Variants in TAFA1 observed in about 807,000 individuals in gnomAD.
TAFA1 encodes chemokine-like protein TAFA-1.
Under a neutral mutation model 18.5 loss-of-function variants are expected in TAFA1, and 4 were observed. The ratio of observed to expected loss-of-function variants is 0.22; its 90% confidence interval spans 0.11 to 0.49. The LOEUF (loss-of-function observed/expected upper bound fraction) is 0.49, where lower values mean the gene tolerates loss of function less well. Ranked by LOEUF, TAFA1 falls within the 20% of genes least tolerant of loss-of-function variation. The pLI, the probability that TAFA1 is intolerant of heterozygous loss-of-function variation, is 0.98. For missense variants in TAFA1, 147 were observed against 169.0 expected, an observed-to-expected ratio of 0.87 and a Z score of 0.72; for synonymous variants, 56 against 55.2, an observed-to-expected ratio of 1.01 and a Z score of -0.06.
At position 68,221,292 on chromosome 3, in the gene TAFA1, T is replaced by C. The variant is rs117697864; in HGVS notation, c.119-195988T>C. Among the ~76,000 whole-genome samples, 649 of 152,268 alleles carry C rather than the reference T, an allele frequency of 4.3e-3. 9 individuals are homozygous for C. In the East Asian group the frequency reaches 0.069, roughly 16 times the overall value. Reference sequence around the variant, plus strand: ...ACCCAATTTTGCTCTTCTTCCCTTCTCTTTTCTCCTTCCCATTATTTCTTA... The same window carrying C: ...ACCCAATTTTGCTCTTCTTCCCTTCCCTTTTCTCCTTCCCATTATTTCTTA... On this transcript the variant is annotated intron_variant, in intron 2 of 4. Transcript: ENST00000478136.
chr3:68,529,907 A>G (rs2073167114), intron 3 of TAFA1, among the ~76,000 whole-genome samples: 1 of 152,142 alleles, frequency 6.6e-6, no homozygotes, highest in South Asian at 2.1e-4. Context: ...AGAGGACAAA[A>G]AATCCAAACT....
intron 2 of TAFA1, among the ~76,000 whole-genome samples, chr3:68,173,625 G>A (rs779702069): frequency 1.4e-4 from 21 of 152,134 alleles, no homozygotes; most frequent in Admixed American, 2.6e-4. Context: ...TCCTATGAGA[G>A]TACATTTATA....
chr3:68,028,577 CT>C lies in TAFA1; in HGVS notation c.118+21834del, dbSNP rs538525605. ...TCAAGGTGTCAGCAGGGCTACGCTC[CT>C]ATGGGAGGCTCTAGAGAAAAATCCC... is the stretch of plus-strand genomic sequence containing the variant. On this transcript the variant is annotated intron_variant, in intron 2 of 4. Transcript: ENST00000478136. Among the ~76,000 whole-genome samples, 110 of 152,088 alleles carry C rather than the reference CT, an allele frequency of 7.2e-4. 1 individual carries two copies. Among genetic ancestry groups the C allele is most frequent in the African/African-American group, 2.6e-3 (107 of 41,512 alleles).
chr3:68,225,489 T>C (rs2066787548), intron 2 of TAFA1, among the ~76,000 whole-genome samples: 2 of 152,168 alleles, frequency 1.3e-5, no homozygotes, highest in Non-Finnish European at 1.5e-5. Flanking sequence ...GAAGGCCAGC[T>C]GGCAACCTTG....
intron 2 of TAFA1, among the ~76,000 whole-genome samples, chr3:68,254,682 A>G (rs556079968): frequency 6.6e-6 from 1 of 152,162 alleles, no homozygotes; most frequent in African/African-American, 2.4e-5. Context: ...ATATAGGAAT[A>G]TTACAGATGA....
chr3:68,214,152 G>A (rs1482938727), intron 2 of TAFA1, among the ~76,000 whole-genome samples: 1 of 152,040 alleles, frequency 6.6e-6, no homozygotes, highest in African/African-American at 2.4e-5. Context: ...CTGGGATATT[G>A]GTCTTTTCCT....
At chr3:68,273,834 T>C (rs1020640882) in intron 2 of TAFA1, among the ~76,000 whole-genome samples, 2 of 152,160 alleles carry the variant, frequency 1.3e-5, no homozygotes, top group African/African-American at 4.8e-5. Flanking sequence ...ACCAAATTCC[T>C]TTTTAAATCC....
chr3:68,262,804 G>T (rs1220109998), intron 2 of TAFA1, among the ~76,000 whole-genome samples: 1 of 152,118 alleles, frequency 6.6e-6, no homozygotes, highest in African/African-American at 2.4e-5. Context: ...ACCCAGTAAT[G>T]GGGTTGTTGG....
chr3:68,002,375 G>C (rs1446178504), upstream of TAFA1, among the ~76,000 whole-genome samples: 1 of 152,110 alleles, frequency 6.6e-6, no homozygotes, highest in African/African-American at 2.4e-5. Context: ...TTAGGTGGTC[G>C]ATTAAATTGA....
chr3:68,490,045 G>A (rs575430026), intron 3 of TAFA1, among the ~76,000 whole-genome samples: 1 of 152,286 alleles, frequency 6.6e-6, no homozygotes, highest in South Asian at 2.1e-4. Context: ...ATAACCAATA[G>A]CATTTGTTGC....
chr3:68,137,421 A>C (rs146784173), intron 2 of TAFA1, among the ~76,000 whole-genome samples: 99 of 152,314 alleles, frequency 6.5e-4, no homozygotes, highest in African/African-American at 2.2e-3. Context: ...TAAGCTGAGA[A>C]AGTATGTTCT....
At chr3:68,287,597 T>A (rs1344929703) in intron 2 of TAFA1, among the ~76,000 whole-genome samples, 1 of 152,154 alleles carries the variant, frequency 6.6e-6, no homozygotes, top group African/African-American at 2.4e-5. Flanking sequence ...TCAGTCCTAC[T>A]GACCTCAGTT....
Position 68,197,044 on chromosome 3 carries a change from G to T in TAFA1, c.118+190300G>T, listed in dbSNP as rs575451634. ...ATAGTAGAACTCCAATATATTAGAT[G>T]ACCTATCACAGCCTCAACATGTGTC... is the stretch of plus-strand genomic sequence containing the variant. On this transcript the variant is annotated intron_variant, in intron 2 of 4. Transcript: ENST00000478136. Among the ~76,000 whole-genome samples the T allele has an allele frequency of 9.1e-4, 138 of 151,770 alleles. 1 individual carries two copies. The highest frequency in any genetic ancestry group is 3.0e-3 in the African/African-American group (126 of 41,478).
chr3:67,996,899 G>T, the TAFA1 span, among the ~76,000 whole-genome samples: 1 of 152,164 alleles, frequency 6.6e-6, no homozygotes, highest in Non-Finnish European at 1.5e-5. Context: ...TAGTCTAGTG[G>T]AGAGACAATA....
chr3:68,072,759 G>T (rs1559726323), intron 2 of TAFA1, among the ~76,000 whole-genome samples: 1 of 152,134 alleles, frequency 6.6e-6, no homozygotes, highest in Admixed American at 6.5e-5. Flanking sequence ...GACACCTGTG[G>T]GGTGTCCCCA....
chr3:68,286,734 A>T (rs552240413), intron 2 of TAFA1, among the ~76,000 whole-genome samples: 2 of 152,320 alleles, frequency 1.3e-5, no homozygotes, highest in East Asian at 3.9e-4. Flanking sequence ...GAGGAATATG[A>T]GGAGACAAGC....
At chr3:68,484,639 A>T (rs1007729926) in intron 3 of TAFA1, among the ~76,000 whole-genome samples, 23 of 152,344 alleles carry the variant, frequency 1.5e-4, no homozygotes, top group Admixed American at 3.9e-4. Context: ...TATCAAGTTC[A>T]AGATGCCTAT....
chr3:68,165,884 A>G (rs558883162), intron 2 of TAFA1, among the ~76,000 whole-genome samples: 1 of 152,340 alleles, frequency 6.6e-6, no homozygotes, highest in East Asian at 1.9e-4. Flanking sequence ...TATGCACTCA[A>G]ATATTTAGGA....
At chr3:68,490,800 C>CA (rs78083008) in intron 3 of TAFA1, among the ~76,000 whole-genome samples, 12,003 of 151,668 alleles carry the variant, frequency 0.079, 1,268 homozygotes, top group East Asian at 0.23. Context: ...AATAGATGAA[C>CA]AAAGTTATTT....
Sources: allele counts gnomAD v4.1 joint callset (sites outside exome capture counted in the v4.1 genomes callset), GRCh38; gene constraint gnomAD v4.1.1; transcripts MANE v1.5; gene names NCBI Gene and HGNC (gene_info 2026-07-23, HGNC 2026-07-21).